CAMK2B: variants seen among roughly 807,000 people sequenced by gnomAD.
The protein encoded by CAMK2B is calcium/calmodulin-dependent protein kinase type II subunit beta.
CAMK2B carries 27 observed loss-of-function variants against 93.7 expected under a neutral mutation model. The observed-to-expected ratio is 0.29, with a 90% CI of 0.21 to 0.40. The LOEUF is 0.40. Ranked by LOEUF, CAMK2B falls within the 10% of genes least tolerant of loss-of-function variation. CAMK2B has a pLI of 1.00. For synonymous variants in CAMK2B, 374 were observed against 358.8 expected, an observed-to-expected ratio of 1.04 and a Z score of -0.48; for missense variants, 568 against 895.8, an observed-to-expected ratio of 0.63 and a Z score of 4.67.
At chr7:44,258,970 A>G (rs978055911) in intron 3 of CAMK2B, 44 bp from the exon 4 acceptor site, 12 of 1,548,646 alleles carry the variant, frequency 7.7e-6, no homozygotes, top group African/African-American at 2.7e-5. Flanking sequence ...ATAGCCCAGG[A>G]CACACCTCCT....
At chr7:44,279,402 C>T (rs1442642577) in intron 2 of CAMK2B, among the ~76,000 whole-genome samples, 2 of 152,248 alleles carry the variant, frequency 1.3e-5, no homozygotes, top group African/African-American at 2.4e-5. Flanking sequence ...CTGTGTACAA[C>T]TCGAGGCAAA....
intron 1 of CAMK2B, among the ~76,000 whole-genome samples, chr7:44,320,742 A>G (rs1253438380): frequency 6.6e-6 from 1 of 152,230 alleles, no homozygotes; most frequent in East Asian, 1.9e-4. Flanking sequence ...ACTACCCTAC[A>G]TTAAGGAATC....
chr7:44,258,479 T>G (rs2096853190), intron 4 of CAMK2B, among the ~76,000 whole-genome samples: 1 of 152,154 alleles, frequency 6.6e-6, no homozygotes. Flanking sequence ...AACACACACA[T>G]GTGCACTCAC....
chr7:44,267,771 AAAC>A (rs140873393), intron 2 of CAMK2B, among the ~76,000 whole-genome samples: 2,065 of 152,302 alleles, frequency 0.014, 47 homozygotes, highest in African/African-American at 0.047. Flanking sequence ...AAAACCCCCA[AAAC>A]AACAACAACA....
chr7:44,229,581 GC>G, intron 17 of CAMK2B, 80 bp from the exon 18 acceptor site: 1 of 529,400 alleles, frequency 1.9e-6, no homozygotes, highest in Non-Finnish European at 3.1e-6. Flanking sequence ...ACAGGGGGAG[GC>G]CAGGAGGGAG....
intron 5 of CAMK2B, among the ~76,000 whole-genome samples, chr7:44,251,360 C>T (rs1193617194): frequency 6.6e-6 from 1 of 151,810 alleles, no homozygotes; most frequent in Non-Finnish European, 1.5e-5. Flanking sequence ...AGACTCTCCA[C>T]CGAGCTCCAC....
chr7:44,272,174 C>T (rs1421959705), intron 2 of CAMK2B, among the ~76,000 whole-genome samples: 28 of 132,030 alleles, frequency 2.1e-4, no homozygotes, highest in African/African-American at 6.1e-4. Flanking sequence ...AGATCTGGGG[C>T]GGGGAATTGG....
intron 1 of CAMK2B, among the ~76,000 whole-genome samples, chr7:44,295,568 C>CA (rs1327260302): frequency 2.0e-5 from 3 of 152,210 alleles, no homozygotes; most frequent in African/African-American, 7.2e-5. Context: ...TTAAGAATTC[C>CA]AGGGTGCCTA....
rs1195223155 is a variant in CAMK2B, at chr7:44,311,247, T to C, written c.65+14110A>G. Among the ~76,000 whole-genome samples, 2 of 152,136 alleles carry C rather than the reference T, an allele frequency of 1.3e-5. No homozygotes were observed. The highest frequency in any genetic ancestry group is 4.8e-5 in the African/African-American group (2 of 41,426). ...CATGCCACCACGCCTGGCACATTTT[T>C]GTATTTTTAGTAGACATGGGGTTTC... is the stretch of plus-strand genomic sequence containing the variant. On this transcript the variant is annotated intron_variant, in intron 1 of 23. Transcript: ENST00000395749. The surrounding 1 kb of genome is among the most constrained non-coding windows in gnomAD (Gnocchi z 4.2).
Position 44,248,637 on chromosome 7 carries a change from C to T in CAMK2B, c.342-1445G>A, listed in dbSNP as rs2096752968. ...TTGGGGACAGGAGGGTGACCAGGGT[C>T]AGCAAGATGAGTGGGCTTTGTTTTC... On this transcript the variant is annotated intron_variant, in intron 5 of 23. Transcript: ENST00000395749. This position sits in a 1 kb window ranked among gnomAD's most constrained non-coding sequence, Gnocchi z 4.1. Among the ~76,000 whole-genome samples the T allele has an allele frequency of 1.3e-5, 2 of 152,218 alleles. No individual in the cohort carries two copies. Among genetic ancestry groups the T allele is most frequent in the Admixed American group, 6.5e-5 (1 of 15,282 alleles).
intron 1 of CAMK2B, among the ~76,000 whole-genome samples, chr7:44,291,038 T>C (rs1786647326): frequency 6.6e-6 from 1 of 152,136 alleles, no homozygotes; most frequent in South Asian, 2.1e-4. Flanking sequence ...CTTACACAAT[T>C]AGGGGGCTCT....
At chr7:44,301,173 G>A (rs1240359197) in intron 1 of CAMK2B, among the ~76,000 whole-genome samples, 2 of 152,084 alleles carry the variant, frequency 1.3e-5, no homozygotes, top group Non-Finnish European at 2.9e-5. Flanking sequence ...TGTCATGCAG[G>A]CTGGAGTGCA....
intron 1 of CAMK2B, among the ~76,000 whole-genome samples, chr7:44,310,659 A>G (rs934624790): frequency 6.6e-6 from 1 of 152,252 alleles, no homozygotes; most frequent in Non-Finnish European, 1.5e-5. Flanking sequence ...AGGCTACAAC[A>G]TGGGTGAAAC....
At chr7:44,269,871 T>G (rs1368814516) in intron 2 of CAMK2B, among the ~76,000 whole-genome samples, 1 of 151,848 alleles carries the variant, frequency 6.6e-6, no homozygotes, top group Non-Finnish European at 1.5e-5. Context: ...GCCACCAGGG[T>G]CTGAGGGCTG....
Position 44,314,413 on chromosome 7 carries a change from G to A in CAMK2B, c.65+10944C>T, listed in dbSNP as rs75722759. Among the ~76,000 whole-genome samples, 185 of 152,310 alleles carry A rather than the reference G, an allele frequency of 1.2e-3. 2 individuals carry two copies. The highest frequency in any genetic ancestry group is 4.2e-3 in the African/African-American group (175 of 41,578). ...ACTGGCTTCTTGCACTGAGCATGACGTTTTGAACGTTCGTCCACATTTCAG... is the reference window on the plus strand; with the variant it reads ...ACTGGCTTCTTGCACTGAGCATGACATTTTGAACGTTCGTCCACATTTCAG... On this transcript the variant is annotated intron_variant, in intron 1 of 23. Coordinates refer to ENST00000395749, the MANE Select transcript of CAMK2B (RefSeq NM_001220.5).
At chr7:44,259,025 C>CCTAG in intron 3 of CAMK2B, 99 bp from the exon 4 acceptor site, 1 of 1,080,642 alleles carries the variant, frequency 9.3e-7, no homozygotes, top group Admixed American at 1.9e-5. Flanking sequence ...CGGTGTAAGC[C>CCTAG]CTAGGGCTGC....
chr7:44,244,981 C>G (rs1044950146), intron 6 of CAMK2B: 10 of 455,656 alleles, frequency 2.2e-5, no homozygotes, highest in Non-Finnish European at 4.4e-5. Context: ...ATTTTGCCAA[C>G]GTGAGTGGGT....
At chr7:44,223,611 A>G (rs2096439331) in intron 20 of CAMK2B, among the ~76,000 whole-genome samples, 1 of 139,668 alleles carries the variant, frequency 7.2e-6, no homozygotes, top group Non-Finnish European at 1.5e-5. Context: ...CCCAGCTGCT[A>G]TGTTCCTGCC....
chr7:44,274,781 C>T (rs746498258), intron 2 of CAMK2B, among the ~76,000 whole-genome samples: 1 of 152,210 alleles, frequency 6.6e-6, no homozygotes, highest in Non-Finnish European at 1.5e-5. Context: ...GCTGTGCCCA[C>T]ACTGGCAGAA....
Sources: gnomAD v4.1 joint callset for allele counts (sites outside exome capture counted in the v4.1 genomes callset) on GRCh38, gnomAD v4.1.1 for gene constraint, Gnocchi (gnomAD v3.1) non-coding constraint, MANE v1.5 for transcripts, NCBI Gene and HGNC (gene_info 2026-07-23, HGNC 2026-07-21) for gene names.